Variants in PPARGC1A observed in about 807,000 individuals in gnomAD.
PPARGC1A encodes PPARG coactivator 1 alpha, also known as peroxisome proliferator-activated receptor gamma coactivator 1-alpha.
PPARGC1A carries 25 observed loss-of-function variants against 88.7 expected under a neutral mutation model. The observed-to-expected ratio is 0.28, with a 90% CI of 0.21 to 0.39. The LOEUF (loss-of-function observed/expected upper bound fraction) is 0.39. Ranked by LOEUF, PPARGC1A falls within the 10% of genes least tolerant of loss-of-function variation. The pLI is 1.00. For synonymous variants in PPARGC1A, 363 were observed against 355.6 expected, an observed-to-expected ratio of 1.02 and a Z score of -0.24; for missense variants, 880 against 968.7, an observed-to-expected ratio of 0.91 and a Z score of 1.22.
the PPARGC1A span, among the ~76,000 whole-genome samples, chr4:24,042,208 C>T: frequency 1.3e-5 from 2 of 152,144 alleles, no homozygotes; most frequent in Non-Finnish European, 2.9e-5. Flanking sequence ...TGCCTGATCT[C>T]CAAGGATGCC....
At chr4:24,443,657 G>A in the PPARGC1A span, among the ~76,000 whole-genome samples, 1 of 152,046 alleles carries the variant, frequency 6.6e-6, no homozygotes, top group Non-Finnish European at 1.5e-5. Context: ...CTGGGTTCAA[G>A]TGATTCTCCT....
the PPARGC1A span, among the ~76,000 whole-genome samples, chr4:24,383,876 C>T: frequency 6.6e-6 from 1 of 152,084 alleles, no homozygotes; most frequent in African/African-American, 2.4e-5. Flanking sequence ...ATATAGAGAA[C>T]GCCACAAAGA....
At chr4:24,289,121 G>A in the PPARGC1A span, among the ~76,000 whole-genome samples, 1 of 150,954 alleles carries the variant, frequency 6.6e-6, no homozygotes, top group South Asian at 2.1e-4. Flanking sequence ...TTGGGAGGCT[G>A]AGGCAGAAGA....
Position 23,813,838 on chromosome 4 carries a change from C to T in PPARGC1A, c.1645G>A (p.Asp549Asn). 6.2e-7 allele frequency: 1 copy of T among 1,614,026 alleles called. No individual in the cohort carries two copies. Residue 549 changes from aspartate (D) to asparagine (N), a missense_variant, in exon 8 of 13, where the codon GAT (aspartate) becomes AAT (asparagine). Physicochemically the swap from Asp to Asn is conservative, Grantham distance 23 (BLOSUM62 1). Coordinates refer to ENST00000264867, the MANE Select transcript of PPARGC1A (RefSeq NM_013261.5). The part of the protein sequence containing the change: ...SCSSFNSPCR[D>N]SVSPPKSLFS... ...AAGGATTTGGGTGGTGACACAGAAT[C>T]TCTACATGGAGAGTTAAAAGAAGAA... is the stretch of plus-strand genomic sequence containing the variant.
At chr4:24,140,746 T>G in the PPARGC1A span, among the ~76,000 whole-genome samples, 1 of 152,194 alleles carries the variant, frequency 6.6e-6, no homozygotes, top group Non-Finnish European at 1.5e-5. Flanking sequence ...TAGTTCCTCA[T>G]GAACATGCTT....
chr4:23,820,521 T>C (rs939017927), intron 7 of PPARGC1A: 1 of 322,046 alleles, frequency 3.1e-6, no homozygotes, highest in Non-Finnish European at 6.4e-6. Context: ...CAAAAAAGTG[T>C]AGCACTCTGA....
the PPARGC1A span, among the ~76,000 whole-genome samples, chr4:24,286,795 G>T: frequency 6.6e-6 from 1 of 152,246 alleles, no homozygotes; most frequent in East Asian, 1.9e-4. Flanking sequence ...AGCAGCGTAG[G>T]TGAGGAATTC....
the PPARGC1A span, among the ~76,000 whole-genome samples, chr4:24,298,001 C>T: frequency 3.3e-4 from 50 of 152,150 alleles, no homozygotes; most frequent in African/African-American, 1.1e-3. Context: ...AGAACAGGAA[C>T]CATAGTAGCT....
At chr4:24,115,825 A>T in the PPARGC1A span, among the ~76,000 whole-genome samples, 13 of 152,172 alleles carry the variant, frequency 8.5e-5, no homozygotes, top group Admixed American at 8.5e-4. Context: ...GATCAGAGAC[A>T]TGAAACGTTG....
At chr4:24,290,966 A>C in the PPARGC1A span, among the ~76,000 whole-genome samples, 3 of 152,070 alleles carry the variant, frequency 2.0e-5, no homozygotes, top group Admixed American at 2.0e-4. Flanking sequence ...TAACAGAAAA[A>C]ATATTGGTTC....
chr4:24,252,222 A>ATTT, the PPARGC1A span, among the ~76,000 whole-genome samples: 4 of 152,190 alleles, frequency 2.6e-5, no homozygotes, highest in African/African-American at 9.6e-5. Flanking sequence ...CTTGAGGGCA[A>ATTT]TTTTTTCTGT....
At chr4:24,152,976 G>A in the PPARGC1A span, among the ~76,000 whole-genome samples, 8 of 152,184 alleles carry the variant, frequency 5.3e-5, no homozygotes, top group Non-Finnish European at 7.3e-5. Flanking sequence ...CTTGAGCTCA[G>A]ACATGTAAAC....
the PPARGC1A span, among the ~76,000 whole-genome samples, chr4:24,205,460 A>G: frequency 3.9e-5 from 6 of 152,350 alleles, no homozygotes; most frequent in Non-Finnish European, 8.8e-5. Context: ...CTGAAAAACT[A>G]GAGTCCCCAA....
At chr4:23,826,247 A>G (rs1454489653) in intron 5 of PPARGC1A, among the ~76,000 whole-genome samples, 1 of 152,168 alleles carries the variant, frequency 6.6e-6, no homozygotes, top group Non-Finnish European at 1.5e-5. Context: ...CCGATCCCTG[A>G]ATAAACCCAG....
At chr4:24,164,108 C>T in the PPARGC1A span, among the ~76,000 whole-genome samples, 1 of 152,154 alleles carries the variant, frequency 6.6e-6, no homozygotes, top group Non-Finnish European at 1.5e-5. Context: ...AACTATCTTC[C>T]TTGCATGCTT....
At chr4:24,058,044 C>G in the PPARGC1A span, among the ~76,000 whole-genome samples, 1 of 152,152 alleles carries the variant, frequency 6.6e-6, no homozygotes, top group Non-Finnish European at 1.5e-5. Context: ...GCTCTGAGCA[C>G]AGGATTCATT....
the PPARGC1A span, among the ~76,000 whole-genome samples, chr4:24,307,377 T>C: frequency 6.6e-6 from 1 of 152,356 alleles, no homozygotes; most frequent in East Asian, 1.9e-4. Flanking sequence ...TATTGCAAAA[T>C]TAAATTTTGT....
the PPARGC1A span, among the ~76,000 whole-genome samples, chr4:24,127,567 ATATATATAGACACTGTAT>A: frequency 1.3e-5 from 2 of 151,934 alleles, no homozygotes; most frequent in Non-Finnish European, 2.9e-5. Context: ...GCGTGTGGAT[ATATATATAGACACTGTAT>A]TATATATAGA....
At chr4:24,317,727 C>T in the PPARGC1A span, among the ~76,000 whole-genome samples, 1 of 151,860 alleles carries the variant, frequency 6.6e-6, no homozygotes, top group African/African-American at 2.4e-5. Flanking sequence ...TTCTCCACAG[C>T]CCCAGCCCCG....
Sources: allele counts gnomAD v4.1 joint callset (sites outside exome capture counted in the v4.1 genomes callset), GRCh38; gene constraint gnomAD v4.1.1; transcripts MANE v1.5; gene names NCBI Gene and HGNC (gene_info 2026-07-23, HGNC 2026-07-21).